ST8SIA4: variants seen among roughly 807,000 people sequenced by gnomAD.
ST8SIA4 encodes the protein ST8 alpha-N-acetyl-neuraminide alpha-2,8-sialyltransferase 4, also known as CMP-N-acetylneuraminate-poly-alpha-2,8-sialyltransferase.
In ST8SIA4, 15 loss-of-function variants were observed where a neutral mutation model predicts 33.9. The ratio of observed to expected loss-of-function variants is 0.44; its 90% CI spans 0.30 to 0.68. ST8SIA4 has a LOEUF of 0.68. Ranked by LOEUF, ST8SIA4 falls within the 30% of genes least tolerant of loss-of-function variation. The probability of loss-of-function intolerance (pLI) is 0.10; values close to 1 mark genes in which losing one functional copy is unlikely to be tolerated. For synonymous variants in ST8SIA4, 171 were observed against 151.2 expected (o/e 1.13, Z -0.96); for missense variants, 321 against 428.0 (o/e 0.75, Z 2.21).
At position 100,856,288 on chromosome 5, in the gene ST8SIA4, A is replaced by G. The variant is rs1317195867; in HGVS notation, c.612T>C (p.Asn204=). 6.2e-7 allele frequency: 1 copy of G among 1,614,106 alleles called. No individual in the cohort carries two copies. The highest frequency in any genetic ancestry group is 8.5e-7 in the Non-Finnish European group (1 of 1,179,976). ...VVQRAFGGFR[N]ESDREKFVHR... is the part of the protein sequence containing the mutation. Reference sequence around the variant, plus strand: ...GCACAAATTTTTCTCTGTCACTCTCATTTCGAAAGCCTCCAAATGCTCTTT... The same window carrying G: ...GCACAAATTTTTCTCTGTCACTCTCGTTTCGAAAGCCTCCAAATGCTCTTT... Residue 204 remains asparagine (N), a synonymous_variant, in exon 4 of 5, where the codon AAT becomes AAC. Transcript: ENST00000231461.
At chr5:100,849,529 C>A in intron 4 of ST8SIA4, 1 of 898,966 alleles carries the variant, frequency 1.1e-6, no homozygotes, top group Non-Finnish European at 1.3e-6. Flanking sequence ...CGCCTGTAAT[C>A]CCCGCACTTT....
rs748283686 is a variant in ST8SIA4 at position 100,856,168 on chromosome 5, G to T, written c.732C>A (p.Ile244=). The change falls in exon 4 of 5, where the codon ATC becomes ATA. Residue 244 remains isoleucine (I), a synonymous_variant. Coordinates refer to ENST00000231461, the MANE Select transcript of ST8SIA4 (RefSeq NM_005668.6). ...TTCGCACTTTCAGTTTATTCTTAAG[G>T]ATTAATGCATTAACCCACTCCACGT... The part of the protein sequence containing the change: ...EKHVEWVNAL[I]LKNKLKVRTA... The T allele has an allele frequency of 6.2e-7, 1 of 1,614,058 alleles. No homozygotes were observed. Among genetic ancestry groups the T allele is most frequent in the East Asian group, 2.2e-5 (1 of 44,870 alleles).
chr5:100,898,508 T>C (rs1195082987), intron 1 of ST8SIA4, among the ~76,000 whole-genome samples: 2 of 152,238 alleles, frequency 1.3e-5, no homozygotes, highest in East Asian at 3.8e-4. Context: ...TTCATTGAGC[T>C]GGTGATAAGC....
intron 3 of ST8SIA4, among the ~76,000 whole-genome samples, chr5:100,874,658 C>A (rs1335869872): frequency 6.6e-6 from 1 of 152,014 alleles, no homozygotes; most frequent in Non-Finnish European, 1.5e-5. Flanking sequence ...CATCATGGCT[C>A]ACTGCAGCCT....
At chr5:100,889,461 T>C (rs1275658576) in intron 2 of ST8SIA4, among the ~76,000 whole-genome samples, 1 of 151,906 alleles carries the variant, frequency 6.6e-6, no homozygotes, top group Non-Finnish European at 1.5e-5. Context: ...CTAGTGGTCC[T>C]GATTTGAAAA....
chr5:100,816,566 A>G, intron 4 of ST8SIA4: 1 of 510,424 alleles, frequency 2.0e-6, no homozygotes, highest in South Asian at 1.5e-5. Flanking sequence ...CCAACCTAAT[A>G]ATGATAGTTT....
chr5:100,828,643 C>T (rs990338320), intron 4 of ST8SIA4, among the ~76,000 whole-genome samples: 5 of 152,104 alleles, frequency 3.3e-5, no homozygotes, highest in African/African-American at 1.2e-4. Flanking sequence ...GGGCTATTTC[C>T]CTTGCCTAAA....
intron 4 of ST8SIA4, among the ~76,000 whole-genome samples, chr5:100,843,198 C>G (rs1279595849): frequency 3.3e-5 from 5 of 151,776 alleles, no homozygotes; most frequent in Non-Finnish European, 7.4e-5. Flanking sequence ...TTTACTATCT[C>G]TAGAGTGACA....
At chr5:100,853,096 G>A (rs1047802594) in intron 4 of ST8SIA4, among the ~76,000 whole-genome samples, 7 of 152,164 alleles carry the variant, frequency 4.6e-5, no homozygotes, top group African/African-American at 1.2e-4. Flanking sequence ...GGGTTTCAGA[G>A]AGGTAAGTCA....
chr5:100,847,856 G>A (rs1751601020), intron 4 of ST8SIA4, among the ~76,000 whole-genome samples: 2 of 152,014 alleles, frequency 1.3e-5, no homozygotes. Context: ...GTTTAGAAAG[G>A]TATGCCAAAA....
At chr5:100,878,239 G>A (rs1454143792) in intron 3 of ST8SIA4, among the ~76,000 whole-genome samples, 4 of 151,914 alleles carry the variant, frequency 2.6e-5, no homozygotes, top group African/African-American at 9.7e-5. Flanking sequence ...GTGCAATGGA[G>A]CGATCTCTGA....
chr5:100,880,052 A>G (rs933650047), intron 3 of ST8SIA4, among the ~76,000 whole-genome samples: 6 of 152,234 alleles, frequency 3.9e-5, no homozygotes, highest in Middle Eastern at 3.4e-3. Context: ...ACGGAAGACC[A>G]TGATAGAACA....
chr5:100,856,434 A>G (rs1751815217), intron 3 of ST8SIA4, 38 bp from the exon 4 acceptor site: 2 of 1,553,742 alleles, frequency 1.3e-6, no homozygotes, highest in East Asian at 2.3e-5. Flanking sequence ...ATGAAAAAAA[A>G]AGAAATATTC....
intron 3 of ST8SIA4, 54 bp downstream of exon 3, chr5:100,886,289 C>T (rs1305597428): frequency 6.3e-7 from 1 of 1,576,936 alleles, no homozygotes; most frequent in South Asian, 1.2e-5. Context: ...TTTCCACCCC[C>T]AAGTAAAATA....
At chr5:100,815,434 TTCCTTCCTTCCC>T (rs1452344845) in intron 4 of ST8SIA4, among the ~76,000 whole-genome samples, 1 of 151,914 alleles carries the variant, frequency 6.6e-6, no homozygotes, top group African/African-American at 2.4e-5. Context: ...CCTTCCTTCC[TTCCTTCCTTCCC>T]TCCTTTCTTC....
At chr5:100,813,520 G>A (rs1580445094) in intron 4 of ST8SIA4, among the ~76,000 whole-genome samples, 1 of 151,978 alleles carries the variant, frequency 6.6e-6, no homozygotes, top group East Asian at 1.9e-4. Context: ...AATTTTCAGA[G>A]AAGAACATCT....
chr5:100,880,922 C>G (rs895221369), intron 3 of ST8SIA4, among the ~76,000 whole-genome samples: 1 of 152,156 alleles, frequency 6.6e-6, no homozygotes, highest in East Asian at 1.9e-4. Context: ...ATCTGACACT[C>G]TAAGACATAG....
chr5:100,813,544 T>C (rs1750854488), intron 4 of ST8SIA4, among the ~76,000 whole-genome samples: 1 of 152,010 alleles, frequency 6.6e-6, no homozygotes, highest in South Asian at 2.1e-4. Flanking sequence ...AATTTTCTCA[T>C]AACTCAAAGT....
chr5:100,892,321 T>A (rs1490922269), intron 2 of ST8SIA4, among the ~76,000 whole-genome samples: 1 of 152,250 alleles, frequency 6.6e-6, no homozygotes, highest in East Asian at 1.9e-4. Context: ...TAGCTTATAA[T>A]AATAAAGAAC....
Sources: allele counts gnomAD v4.1 joint callset (sites outside exome capture counted in the v4.1 genomes callset), GRCh38; gene constraint gnomAD v4.1.1; transcripts MANE v1.5; gene names NCBI Gene and HGNC (gene_info 2026-07-23, HGNC 2026-07-21).